AUTS2: variants seen among roughly 807,000 people sequenced by gnomAD.
The protein encoded by AUTS2 is autism susceptibility gene 2 protein.
AUTS2 carries 17 observed loss-of-function variants against 112.4 expected under a neutral mutation model. The ratio of observed to expected loss-of-function variants is 0.15; its 90% confidence interval spans 0.10 to 0.23. The LOEUF is 0.23. AUTS2 is among the 10% of genes least tolerant of loss of function. The pLI is 1.00. For missense variants in AUTS2, 1,510 were observed against 1,701.6 expected, an observed-to-expected ratio of 0.89 and a Z score of 1.98; for synonymous variants, 751 against 702.7, an observed-to-expected ratio of 1.07 and a Z score of -1.09.
At chr7:70,679,329 G>C (rs1808087537) in intron 5 of AUTS2, among the ~76,000 whole-genome samples, 1 of 152,220 alleles carries the variant, frequency 6.6e-6, no homozygotes, top group African/African-American at 2.4e-5. Flanking sequence ...CAAGGGGGAA[G>C]TGCCCAGAGA....
At chr7:70,021,071 C>G (rs746448192) in intron 2 of AUTS2, among the ~76,000 whole-genome samples, 2 of 152,124 alleles carry the variant, frequency 1.3e-5, no homozygotes, top group Non-Finnish European at 2.9e-5. Flanking sequence ...CAACCTCCGC[C>G]TCCTGGATTC....
intron 1 of AUTS2, among the ~76,000 whole-genome samples, chr7:69,737,137 A>G (rs557327223): frequency 3.9e-5 from 6 of 152,258 alleles, no homozygotes; most frequent in South Asian, 2.1e-4. Context: ...ATGGGAGTCA[A>G]CTTTACTCAA....
At chr7:70,496,025 CCCA>C (rs1445977210) in intron 5 of AUTS2, among the ~76,000 whole-genome samples, 9 of 103,072 alleles carry the variant, frequency 8.7e-5, no homozygotes, top group East Asian at 2.7e-4. Context: ...ACACACCCCC[CCCA>C]CACACATGCA....
intron 1 of AUTS2, among the ~76,000 whole-genome samples, chr7:69,778,053 T>C (rs1788969575): frequency 6.6e-6 from 1 of 152,142 alleles, no homozygotes; most frequent in South Asian, 2.1e-4. Flanking sequence ...ATACAGTTCT[T>C]GACTTTGAGA....
intron 5 of AUTS2, among the ~76,000 whole-genome samples, chr7:70,536,672 G>A (rs375450617): frequency 8.6e-5 from 13 of 150,664 alleles, no homozygotes; most frequent in African/African-American, 2.4e-4. Flanking sequence ...AGGCTGAGGC[G>A]GGCGGATCAC....
chr7:69,696,179 C>G (rs751607041), intron 1 of AUTS2, among the ~76,000 whole-genome samples: 1 of 152,170 alleles, frequency 6.6e-6, no homozygotes, highest in Non-Finnish European at 1.5e-5. Flanking sequence ...TAGAAGCCTG[C>G]GGTTAGCCTC....
intron 2 of AUTS2, among the ~76,000 whole-genome samples, chr7:69,959,765 C>G (rs1006664573): frequency 6.6e-6 from 1 of 152,128 alleles, no homozygotes; most frequent in Admixed American, 6.6e-5. Flanking sequence ...ATTGATTATG[C>G]TTCTAGTTCC....
At chr7:69,817,627 T>C (rs1790819844) in intron 1 of AUTS2, among the ~76,000 whole-genome samples, 1 of 152,166 alleles carries the variant, frequency 6.6e-6, no homozygotes, top group Non-Finnish European at 1.5e-5. Context: ...GTGGGGGAAG[T>C]AGGCCTTGAG....
intron 5 of AUTS2, among the ~76,000 whole-genome samples, chr7:70,547,476 A>T (rs1800836492): frequency 6.6e-6 from 1 of 151,988 alleles, no homozygotes; most frequent in East Asian, 1.9e-4. Context: ...GATGGTCTCG[A>T]TCTCTCCACC....
chr7:69,627,268 G>A (rs769352391), intron 1 of AUTS2, among the ~76,000 whole-genome samples: 11 of 152,208 alleles, frequency 7.2e-5, no homozygotes, highest in African/African-American at 2.4e-4. Context: ...TAAGGTGGGC[G>A]GATCCCTGAG....
At chr7:70,386,701 A>G (rs905978388) in intron 4 of AUTS2, among the ~76,000 whole-genome samples, 4 of 152,188 alleles carry the variant, frequency 2.6e-5, no homozygotes, top group African/African-American at 9.7e-5. Context: ...CATCTTTTAT[A>G]GTCAGAAAGG....
chr7:70,430,904 C>T (rs1024569661), intron 4 of AUTS2, among the ~76,000 whole-genome samples: 5 of 138,004 alleles, frequency 3.6e-5, no homozygotes, highest in African/African-American at 1.4e-4. Context: ...GGCGGGATCT[C>T]GGCTCACTGC....
intron 4 of AUTS2, chr7:70,290,326 C>A: frequency 6.9e-7 from 1 of 1,452,106 alleles, no homozygotes; most frequent in South Asian, 1.5e-5. Flanking sequence ...GGGCATTTAA[C>A]ATTCTTTTGA....
chr7:69,753,528 A>C (rs1214802907), intron 1 of AUTS2, among the ~76,000 whole-genome samples: 2 of 152,158 alleles, frequency 1.3e-5, no homozygotes, highest in African/African-American at 4.8e-5. Context: ...CCCTTTGGCT[A>C]TGCGGGAGTT....
chr7:69,949,685 C>T (rs1311717400), intron 2 of AUTS2, among the ~76,000 whole-genome samples: 1 of 152,120 alleles, frequency 6.6e-6, no homozygotes, highest in Non-Finnish European at 1.5e-5. Flanking sequence ...TTTTCAAGAT[C>T]TGAGTAGAAT....
intron 2 of AUTS2, among the ~76,000 whole-genome samples, chr7:70,091,483 A>T (rs1411895724): frequency 6.6e-6 from 1 of 152,174 alleles, no homozygotes; most frequent in Non-Finnish European, 1.5e-5. Flanking sequence ...TTTTTTTAAT[A>T]GGTCATATAA....
chr7:69,952,725 C>T (rs1797073479), intron 2 of AUTS2, among the ~76,000 whole-genome samples: 3 of 152,152 alleles, frequency 2.0e-5, no homozygotes, highest in Admixed American at 2.0e-4. Flanking sequence ...ACAGGCATAT[C>T]TTCCTGCCTT....
intron 5 of AUTS2, among the ~76,000 whole-genome samples, chr7:70,520,780 A>G (rs751123958): frequency 1.3e-5 from 2 of 152,190 alleles, no homozygotes; most frequent in Non-Finnish European, 2.9e-5. Context: ...GGAATGCTCA[A>G]TGAATGTTAA....
chr7:70,384,937 A>C (rs951645893), intron 4 of AUTS2, among the ~76,000 whole-genome samples: 1 of 152,120 alleles, frequency 6.6e-6, no homozygotes, highest in Non-Finnish European at 1.5e-5. Flanking sequence ...GAAGCCAGAC[A>C]TGTGGTGCCA....
Sources: allele counts gnomAD v4.1 joint callset (sites outside exome capture counted in the v4.1 genomes callset), GRCh38; gene constraint gnomAD v4.1.1; transcripts MANE v1.5; gene names NCBI Gene and HGNC (gene_info 2026-07-23, HGNC 2026-07-21).